Variants in SRSF4 observed in about 807,000 individuals in gnomAD.
SRSF4 encodes serine/arginine-rich splicing factor 4.
A neutral mutation model predicts 48.8 loss-of-function variants in SRSF4; 12 were observed. The observed-to-expected ratio is 0.25, with a 90% CI of 0.16 to 0.40. The LOEUF (loss-of-function observed/expected upper bound fraction) is 0.40. SRSF4 is among the 10% of genes least tolerant of loss of function. The pLI, the probability that SRSF4 is intolerant of heterozygous loss-of-function variation, is 1.00. For missense variants in SRSF4, 466 were observed against 667.1 expected (o/e 0.70, Z 3.32); for synonymous variants, 248 against 232.5 (o/e 1.07, Z -0.61).
intron 1 of SRSF4, among the ~76,000 whole-genome samples, chr1:29,180,212 CAA>C (rs916529174): frequency 1.3e-5 from 2 of 151,960 alleles, no homozygotes; most frequent in Non-Finnish European, 2.9e-5. Context: ...ACTTTGTCCA[CAA>C]AAGTTAGTTA....
chr1:29,154,732 C>T lies in SRSF4; in HGVS notation c.542G>A (p.Arg181Gln), dbSNP rs1430236458. 6.2e-7 allele frequency: 1 copy of T among 1,614,240 alleles called. No homozygotes were observed. The highest frequency in any genetic ancestry group is 1.1e-5 in the South Asian group (1 of 91,084). Residue 181 changes from arginine to glutamine, a missense_variant, in exon 4 of 6, where the codon CGA becomes CAA. This residue lies in a region of SRSF4 where 402 missense variants were observed against 437.0 expected (regional missense o/e 0.92). Transcript: ENST00000373795. ...RLVEDKPGSRRRRSYSRSRSH... is the reference protein window; with the variant it reads ...RLVEDKPGSRQRRSYSRSRSH... ...CCGGCTTCTGGAGTAGGACCGGCGT[C>T]GTCTGGAACCTGGCTTGTCTTCAAC...
At chr1:29,159,236 T>C in intron 3 of SRSF4, 138 bp downstream of exon 3, 2 of 567,844 alleles carry the variant, frequency 3.5e-6, no homozygotes, top group Non-Finnish European at 6.3e-6. Flanking sequence ...ATATGGCACT[T>C]TAATTATTTC....
chr1:29,149,654 T>C (rs535652453), intron 5 of SRSF4, among the ~76,000 whole-genome samples: 10 of 139,698 alleles, frequency 7.2e-5, no homozygotes, highest in South Asian at 2.2e-4. Flanking sequence ...GCACTCCAGA[T>C]TGGGCGACAG....
intron 1 of SRSF4, among the ~76,000 whole-genome samples, chr1:29,161,247 A>C (rs556944922): frequency 4.3e-4 from 66 of 152,248 alleles, no homozygotes; most frequent in Non-Finnish European, 1.0e-4. Context: ...ATTAAAGAGT[A>C]CAATTTATAT....
intron 1 of SRSF4, among the ~76,000 whole-genome samples, chr1:29,177,483 T>C (rs546019263): frequency 6.6e-6 from 1 of 152,262 alleles, no homozygotes; most frequent in East Asian, 1.9e-4. Flanking sequence ...GGTTTCTCCA[T>C]GTTGGTCAGG....
intron 1 of SRSF4, among the ~76,000 whole-genome samples, chr1:29,177,282 T>G (rs1291590770): frequency 1.4e-5 from 2 of 138,106 alleles, no homozygotes; most frequent in African/African-American, 5.4e-5. Context: ...TAACTCTTTT[T>G]GTTTTTTTTT....
At chr1:29,174,784 C>T (rs1471284341) in intron 1 of SRSF4, among the ~76,000 whole-genome samples, 2 of 151,208 alleles carry the variant, frequency 1.3e-5, no homozygotes, top group East Asian at 3.9e-4. Flanking sequence ...AGCAATTCTC[C>T]TGCCTCAGCC....
At chr1:29,154,535 T>G in intron 4 of SRSF4, 161 bp downstream of exon 4, 1 of 696,514 alleles carries the variant, frequency 1.4e-6, no homozygotes, top group South Asian at 2.0e-5. Context: ...GACCTAAGAG[T>G]TCAAGAGTTT....
chr1:29,179,844 C>T (rs1672927118), intron 1 of SRSF4, among the ~76,000 whole-genome samples: 1 of 152,186 alleles, frequency 6.6e-6, no homozygotes, highest in African/African-American at 2.4e-5. Context: ...TCTGCCTCCT[C>T]CCCCAATTCA....
chr1:29,176,185 G>C (rs1005637632), intron 1 of SRSF4, among the ~76,000 whole-genome samples: 1 of 152,096 alleles, frequency 6.6e-6, no homozygotes, highest in Admixed American at 6.6e-5. Context: ...CCAAAAGGCG[G>C]AAGTTGCAGT....
intron 3 of SRSF4, among the ~76,000 whole-genome samples, chr1:29,156,804 G>A (rs1043839559): frequency 1.3e-5 from 2 of 152,226 alleles, no homozygotes; most frequent in African/African-American, 4.8e-5. Context: ...AGAAGAGAGA[G>A]GTTAAGAGTG....
At chr1:29,173,085 T>C (rs946364229) in intron 1 of SRSF4, 1 of 151,146 alleles carries the variant, frequency 6.6e-6, no homozygotes, top group Non-Finnish European at 1.5e-5. Context: ...AATATCTAAA[T>C]GATCTACAAT....
chr1:29,159,572 T>C, intron 2 of SRSF4, 86 bp from the exon 3 acceptor site: 1 of 776,716 alleles, frequency 1.3e-6, no homozygotes, highest in Non-Finnish European at 2.0e-6. Context: ...TTAAATATAT[T>C]ATTTACCCCC....
At chr1:29,178,383 G>A (rs1340724066) in intron 1 of SRSF4, among the ~76,000 whole-genome samples, 1 of 127,846 alleles carries the variant, frequency 7.8e-6, no homozygotes, top group Admixed American at 8.5e-5. Context: ...TCTCGCTGTC[G>A]CCCAGGCTGG....
intron 1 of SRSF4, chr1:29,171,079 C>T (rs1672738807): frequency 6.6e-6 from 1 of 152,106 alleles, no homozygotes; most frequent in African/African-American, 2.4e-5. Flanking sequence ...ACCAGACGGC[C>T]CTAGGAATGA....
At chr1:29,159,933 T>A (rs753132296) in intron 2 of SRSF4, 1 of 174,372 alleles carries the variant, frequency 5.7e-6, no homozygotes, top group South Asian at 1.3e-4. Flanking sequence ...TGGGGAAAGG[T>A]TGCGGTCGTC....
chr1:29,160,448 G>A lies in SRSF4; in HGVS notation c.177C>T (p.Asp59=), dbSNP rs774377412. The change falls in exon 2 of 6, where the codon GAC becomes GAT. Residue 59 remains aspartate (D), a synonymous_variant. Transcript: ENST00000373795. ...DDAVYELNGK[D]LCGERVIVEH... Reference sequence around the variant, plus strand: ...CAACAATTACTCGCTCACCACAAAGGTCTTTGCCATTCAGTTCATAAACAG... The same window carrying A: ...CAACAATTACTCGCTCACCACAAAGATCTTTGCCATTCAGTTCATAAACAG... 1.5e-5 allele frequency: 24 copies of A among 1,613,734 alleles called. No homozygotes were observed. The highest frequency in any genetic ancestry group is 2.0e-5 in the Non-Finnish European group (24 of 1,179,954).
Position 29,149,158 on chromosome 1 carries a change from T to C in SRSF4, c.737A>G (p.Lys246Arg), listed in dbSNP as rs774022971. The C allele has an allele frequency of 1.0e-5, 16 of 1,606,512 alleles. No homozygotes were observed. The highest frequency in any genetic ancestry group is 1.2e-5 in the Non-Finnish European group (14 of 1,176,526). The stretch of plus-strand genomic sequence containing the variant: ...CTTTTCCTTGCTGGGGCTCCTGCTT[T>C]TCTCTTTCTTGCTCCGGCTCCGACT... ...SQSRSRSKKE[K>R]SRSPSKEKSR... Residue 246 changes from lysine (K) to arginine (R), a missense_variant, in exon 6 of 6, where the codon AAA (lysine) becomes AGA (arginine). Lys to Arg is a conservative substitution (Grantham distance 26). This residue lies in a region of SRSF4 where 402 missense variants were observed against 437.0 expected (regional missense o/e 0.92). Coordinates refer to ENST00000373795, the MANE Select transcript of SRSF4 (RefSeq NM_005626.5).
At chr1:29,175,270 G>A (rs1016376303) in intron 1 of SRSF4, among the ~76,000 whole-genome samples, 3 of 151,702 alleles carry the variant, frequency 2.0e-5, no homozygotes, top group Non-Finnish European at 2.9e-5. Flanking sequence ...AAAATTAGCC[G>A]GGGGTGGTGG....
Sources: allele counts gnomAD v4.1 joint callset (sites outside exome capture counted in the v4.1 genomes callset), GRCh38; gene constraint gnomAD v4.1.1; regional missense constraint gnomAD v4.1.1; transcripts MANE v1.5; gene names NCBI Gene and HGNC (gene_info 2026-07-23, HGNC 2026-07-21).